RYR1: variants seen among roughly 807,000 people sequenced by gnomAD.
RYR1 encodes central core disease of muscle.
Under a neutral mutation model 583.5 loss-of-function variants are expected in RYR1, and 342 were observed. That is an observed-to-expected ratio of 0.59 (90% confidence interval 0.54 to 0.64). RYR1 has a LOEUF of 0.64. Ranked by LOEUF, RYR1 falls within the 30% of genes least tolerant of loss-of-function variation. The pLI, the probability that RYR1 is intolerant of heterozygous loss-of-function variation, is 0.00. For synonymous variants in RYR1, 2,791 were observed against 2,822.5 expected (o/e 0.99, Z 0.35); for missense variants, 6,032 against 6,917.2 (o/e 0.87, Z 4.54).
Position 38,512,626 on chromosome 19 carries a change from T to A in RYR1, c.9472+143T>A. The A allele has an allele frequency of 1.2e-6, 1 of 823,276 alleles. No homozygotes were observed. The highest frequency in any genetic ancestry group is 2.0e-6 in the Non-Finnish European group (1 of 496,490). The allele number at this position is 823,276 out of a possible 1,614,324, so 51.0% of individuals were successfully genotyped here. Reference sequence around the variant, plus strand: ...AGCATGCAGTCAGTACCTTGGCAGGTGGCAAATGAGTTAATGAGGACGCGA... The same window carrying A: ...AGCATGCAGTCAGTACCTTGGCAGGAGGCAAATGAGTTAATGAGGACGCGA... On this transcript the variant is annotated intron_variant, in intron 63 of 105. Coordinates refer to ENST00000359596, the MANE Select transcript of RYR1 (RefSeq NM_000540.3). The surrounding 1 kb of genome is among the most constrained non-coding windows in gnomAD (Gnocchi z 5.1).
chr19:38,492,674 G>A (rs1259413549), intron 38 of RYR1, 38 bp downstream of exon 38: 16 of 1,550,228 alleles, frequency 1.0e-5, no homozygotes, highest in Non-Finnish European at 1.4e-5. Context: ...GCAGGGGTGG[G>A]GTGGGTAGCC....
intron 87 of RYR1, 146 bp from the exon 88 acceptor site, chr19:38,546,299 A>C: frequency 7.2e-6 from 5 of 691,576 alleles, no homozygotes; most frequent in East Asian, 2.8e-5. Context: ...CCTGCTTCCG[A>C]GGAACATGTC....
chr19:38,513,606 C>G (rs1414117324), intron 63 of RYR1, among the ~76,000 whole-genome samples: 1 of 151,968 alleles, frequency 6.6e-6, no homozygotes, highest in Non-Finnish European at 1.5e-5. Context: ...CATGGTGGCT[C>G]ACGCCTGTAG....
intron 79 of RYR1, 44 bp downstream of exon 79, chr19:38,534,863 C>T (rs369061934): frequency 5.6e-5 from 88 of 1,567,074 alleles, no homozygotes; most frequent in Non-Finnish European, 1.3e-5. Flanking sequence ...TGCACTCATC[C>T]TAACCTCACT....
At chr19:38,438,190 C>T (rs1367523624) in intron 1 of RYR1, among the ~76,000 whole-genome samples, 1 of 151,704 alleles carries the variant, frequency 6.6e-6, no homozygotes, top group Non-Finnish European at 1.5e-5. Context: ...GGACAAGGCT[C>T]AACTCAAATG....
intron 33 of RYR1, among the ~76,000 whole-genome samples, chr19:38,485,240 C>A (rs1343229539): frequency 6.6e-6 from 1 of 152,094 alleles, no homozygotes; most frequent in African/African-American, 2.4e-5. Flanking sequence ...CCAGGGACCC[C>A]AGAGGTATCC....
At chr19:38,453,481 G>C (rs571371375) in intron 13 of RYR1, among the ~76,000 whole-genome samples, 1 of 151,986 alleles carries the variant, frequency 6.6e-6, no homozygotes, top group Non-Finnish European at 1.5e-5. Context: ...AGGTGCCGAG[G>C]CAGAAATAGA....
At chr19:38,459,432 G>A (rs913310802) in intron 19 of RYR1, 94 bp downstream of exon 19, 81 of 1,201,972 alleles carry the variant, frequency 6.7e-5, no homozygotes, top group Non-Finnish European at 9.2e-5. Flanking sequence ...CAGGAGGCCA[G>A]GACACTGCAG....
intron 93 of RYR1, 44 bp from the exon 94 acceptor site, chr19:38,570,563 G>A (rs751765375): frequency 2.7e-6 from 4 of 1,471,586 alleles, no homozygotes; most frequent in Non-Finnish European, 3.8e-6. Context: ...CCAGGGAAGA[G>A]GCTGATCTGT....
intron 97 of RYR1, among the ~76,000 whole-genome samples, chr19:38,576,578 G>A (rs1339823433): frequency 5.3e-5 from 8 of 152,106 alleles, no homozygotes; most frequent in Admixed American, 2.0e-4. Flanking sequence ...TTGGGAGGCC[G>A]AGGTGGGCAG....
intron 71 of RYR1, 146 bp downstream of exon 71, chr19:38,525,648 CGGGATGCTGAGGACTCACTGTGCCCCT>C (rs1971436171): frequency 1.1e-6 from 1 of 924,150 alleles, no homozygotes; most frequent in African/African-American, 1.6e-5. Context: ...AGTTCTTTTC[CGGGATGCTGAGGACTCACTGTGCCCCT>C]GGGATGCCCT....
chr19:38,581,951 G>A (rs1974233582), intron 101 of RYR1, among the ~76,000 whole-genome samples: 1 of 152,146 alleles, frequency 6.6e-6, no homozygotes, highest in Non-Finnish European at 1.5e-5. Context: ...AGGTACTCAG[G>A]GAGCGTGCCC....
At chr19:38,562,028 A>G (rs1973169104) in intron 90 of RYR1, among the ~76,000 whole-genome samples, 1 of 151,802 alleles carries the variant, frequency 6.6e-6, no homozygotes, top group South Asian at 2.1e-4. Flanking sequence ...ACCCCAACTT[A>G]TTCTGGGCCC....
At chr19:38,537,727 G>A (rs1211439126) in intron 83 of RYR1, 153 bp from the exon 84 acceptor site, 1 of 768,998 alleles carries the variant, frequency 1.3e-6, no homozygotes, top group African/African-American at 1.7e-5. Context: ...GGATGCCCAT[G>A]GCCCTCACAG....
At chr19:38,583,404 G>A (rs1266743426) in intron 101 of RYR1, among the ~76,000 whole-genome samples, 3 of 151,416 alleles carry the variant, frequency 2.0e-5, no homozygotes, top group African/African-American at 4.9e-5. Flanking sequence ...TCTTGAACTC[G>A]GTGGTGGAGG....
chr19:38,499,484 G>A lies in RYR1; in HGVS notation c.7028-151G>A, dbSNP rs1266551892. 1.1e-5 allele frequency: 11 copies of A among 1,019,186 alleles called. No individual in the cohort carries two copies. In the Admixed American group the frequency reaches 1.4e-4, roughly 13 times the overall value. The allele number at this position is 1,019,186 out of a possible 1,614,324, so 63.1% of individuals were successfully genotyped here. On this transcript the variant is annotated intron_variant, in intron 43 of 105. Transcript: ENST00000359596. The surrounding 1 kb of genome is among the most constrained non-coding windows in gnomAD (Gnocchi z 7.3). The stretch of plus-strand genomic sequence containing the variant: ...ACCCCTAGAGGTGTTGGGTCCTGGG[G>A]CTGGCAGGGGCCTGGTGTTACCTCT...
At chr19:38,454,545 G>A (rs1380457579) in intron 13 of RYR1, among the ~76,000 whole-genome samples, 1 of 152,168 alleles carries the variant, frequency 6.6e-6, no homozygotes, top group Non-Finnish European at 1.5e-5. Context: ...TTAAATAACT[G>A]TCTTTAAACA....
At chr19:38,478,853 C>T (rs1968876531) in intron 31 of RYR1, among the ~76,000 whole-genome samples, 1 of 152,148 alleles carries the variant, frequency 6.6e-6, no homozygotes, top group Admixed American at 6.6e-5. Context: ...CTGCAACCTT[C>T]GCCTCCTGGG....
At position 38,512,522 on chromosome 19, in the gene RYR1, A is replaced by G; in HGVS notation, c.9472+39A>G. 6.3e-7 allele frequency: 1 copy of G among 1,582,308 alleles called. No homozygotes were observed. Among genetic ancestry groups the G allele is most frequent in the South Asian group, 1.1e-5 (1 of 90,692 alleles). ...ACCCAAGGGCAGGTTGCGGGGAGTC[A>G]GTGTGGCCAACACCACCCATCCGGG... On this transcript the variant is annotated intron_variant, in intron 63 of 105. Transcript: ENST00000359596. This position sits in a 1 kb window ranked among gnomAD's most constrained non-coding sequence, Gnocchi z 5.1.
Sources: allele counts gnomAD v4.1 joint callset (sites outside exome capture counted in the v4.1 genomes callset), GRCh38; gene constraint gnomAD v4.1.1; non-coding constraint Gnocchi (gnomAD v3.1); transcripts MANE v1.5; gene names NCBI Gene and HGNC (gene_info 2026-07-23, HGNC 2026-07-21).